The following ZFHX3 variants were observed in gnomAD, a reference collection of about 807,000 sequenced individuals.
The protein encoded by ZFHX3 is zinc finger homeobox 3.
A neutral mutation model predicts 279.1 loss-of-function variants in ZFHX3; 42 were observed. The observed-to-expected ratio is 0.15, with a 90% CI of 0.12 to 0.19. ZFHX3 has a LOEUF of 0.19. Ranked by LOEUF, ZFHX3 falls within the 10% of genes least tolerant of loss-of-function variation. ZFHX3 has a pLI of 1.00. For missense variants in ZFHX3, 4,981 were observed against 4,754.0 expected (o/e 1.05, Z -1.40); for synonymous variants, 2,293 against 1,957.8 (o/e 1.17, Z -4.52).
At chr16:73,769,747 C>G (rs2053996749) in intron 1 of ZFHX3, among the ~76,000 whole-genome samples, 1 of 152,118 alleles carries the variant, frequency 6.6e-6, no homozygotes, top group African/African-American at 2.4e-5. Context: ...TATCAACAAC[C>G]CAGTTATCCT....
chr16:73,752,527 C>G (rs1017607962), intron 1 of ZFHX3, among the ~76,000 whole-genome samples: 5 of 152,118 alleles, frequency 3.3e-5, no homozygotes, highest in African/African-American at 1.2e-4. Flanking sequence ...TCTCAGATGG[C>G]CTCTCTCTTC....
chr16:73,149,590 A>G (rs1966891761), intron 5 of ZFHX3, among the ~76,000 whole-genome samples: 2 of 152,050 alleles, frequency 1.3e-5, no homozygotes, highest in South Asian at 2.1e-4. Flanking sequence ...GTTGGTGTTT[A>G]TTGCTCTACA....
At chr16:73,873,265 TGGTGGTGGTGGGTGGTG>T (rs1429776234) in intron 1 of ZFHX3, among the ~76,000 whole-genome samples, 3 of 11,006 alleles carry the variant, frequency 2.7e-4, no homozygotes, top group African/African-American at 3.4e-4. Flanking sequence ...CGGTGGATGG[TGGTGGTGGTGGGTGGTG>T]GGTGGTGGTG....
intron 1 of ZFHX3, among the ~76,000 whole-genome samples, chr16:73,788,573 C>G (rs1959729664): frequency 6.6e-6 from 1 of 152,138 alleles, no homozygotes; most frequent in South Asian, 2.1e-4. Flanking sequence ...TCTGGGAGAG[C>G]AGAGGTTATG....
At chr16:73,192,938 C>G (rs1184316425) in intron 5 of ZFHX3, among the ~76,000 whole-genome samples, 1 of 152,152 alleles carries the variant, frequency 6.6e-6, no homozygotes, top group Non-Finnish European at 1.5e-5. Flanking sequence ...AACTATGCTG[C>G]TAAGCCTCAG....
intron 5 of ZFHX3, among the ~76,000 whole-genome samples, chr16:73,218,192 C>A (rs1221120823): frequency 6.6e-6 from 1 of 152,118 alleles, no homozygotes; most frequent in East Asian, 1.9e-4. Context: ...AGAGACAGCA[C>A]ATCAGAAAAA....
At chr16:72,981,767 C>T (rs1003233126) in intron 1 of ZFHX3, among the ~76,000 whole-genome samples, 7 of 152,134 alleles carry the variant, frequency 4.6e-5, no homozygotes, top group Non-Finnish European at 7.4e-5. Flanking sequence ...CAATGGACTT[C>T]TTCACGGGGA....
chr16:72,803,410 CAT>C (rs1191754424), intron 7 of ZFHX3, among the ~76,000 whole-genome samples: 2 of 152,246 alleles, frequency 1.3e-5, no homozygotes, highest in East Asian at 1.9e-4. Flanking sequence ...AACACTGAAA[CAT>C]GTAGGTTTAT....
At chr16:73,467,414 A>C (rs1465613770) in intron 2 of ZFHX3, among the ~76,000 whole-genome samples, 1 of 152,204 alleles carries the variant, frequency 6.6e-6, no homozygotes, top group Non-Finnish European at 1.5e-5. Context: ...CCTTACTTGC[A>C]GGGAAATGGG....
At position 73,428,900 on chromosome 16, in the gene ZFHX3, T is replaced by C. The variant is rs150337839; in HGVS notation, c.-1291+27103A>G. 2.0e-3 allele frequency among the ~76,000 whole-genome samples: 298 copies of C among 152,260 alleles called. 1 individual carries two copies. The highest frequency in any genetic ancestry group is 6.9e-3 in the African/African-American group (288 of 41,544). On this transcript the variant is annotated intron_variant, in intron 3 of 17. Transcript: ENST00000641206. ...TTCCCGTCAGCCTCACCATGTTAAATATCCAGTGAATACTGCAGGGGCCTC... is the reference window on the plus strand; with the variant it reads ...TTCCCGTCAGCCTCACCATGTTAAACATCCAGTGAATACTGCAGGGGCCTC...
At chr16:73,579,559 T>C (rs2051835593) in intron 2 of ZFHX3, among the ~76,000 whole-genome samples, 1 of 150,956 alleles carries the variant, frequency 6.6e-6, no homozygotes, top group Non-Finnish European at 1.5e-5. Flanking sequence ...TGGAGTGCAG[T>C]GGCGTGATCT....
intron 7 of ZFHX3, among the ~76,000 whole-genome samples, chr16:73,105,708 G>C (rs1000710950): frequency 6.6e-6 from 1 of 152,050 alleles, no homozygotes; most frequent in Non-Finnish European, 1.5e-5. Context: ...GGCTGAGATC[G>C]TGCCACTGCA....
chr16:73,018,279 T>A (rs62053236), intron 1 of ZFHX3, among the ~76,000 whole-genome samples: 1 of 151,886 alleles, frequency 6.6e-6, no homozygotes, highest in Non-Finnish European at 1.5e-5. Context: ...GGCGTGAGCA[T>A]ACACGCCTGG....
chr16:73,140,962 C>T (rs958765317), intron 6 of ZFHX3, among the ~76,000 whole-genome samples: 4 of 152,200 alleles, frequency 2.6e-5, no homozygotes, highest in African/African-American at 9.7e-5. Flanking sequence ...TAAGAAGCCC[C>T]TCTCTTTGAC....
intron 4 of ZFHX3, among the ~76,000 whole-genome samples, chr16:73,263,309 T>A (rs886305631): frequency 6.6e-6 from 1 of 152,008 alleles, no homozygotes; most frequent in Non-Finnish European, 1.5e-5. Context: ...GCCTCCTGAG[T>A]AGCTAGGACT....
chr16:73,781,298 C>G (rs1959462910), intron 1 of ZFHX3, among the ~76,000 whole-genome samples: 1 of 152,190 alleles, frequency 6.6e-6, no homozygotes, highest in Non-Finnish European at 1.5e-5. Flanking sequence ...AGGCTCTACC[C>G]CCAAAGATTG....
At chr16:73,270,069 G>T (rs1223418896) in intron 4 of ZFHX3, among the ~76,000 whole-genome samples, 2 of 152,020 alleles carry the variant, frequency 1.3e-5, no homozygotes, top group Non-Finnish European at 2.9e-5. Flanking sequence ...TTTTCAACTT[G>T]CATTGCTATC....
chr16:73,446,342 C>T (rs2018185034), intron 3 of ZFHX3, among the ~76,000 whole-genome samples: 1 of 152,148 alleles, frequency 6.6e-6, no homozygotes, highest in African/African-American at 2.4e-5. Flanking sequence ...AGGAAACTTA[C>T]AATCATGGTG....
intron 2 of ZFHX3, among the ~76,000 whole-genome samples, chr16:73,482,140 C>T (rs113773172): frequency 1.4e-4 from 21 of 152,222 alleles, no homozygotes; most frequent in African/African-American, 4.1e-4. Context: ...AAGGGAAGGG[C>T]AGAGGGAAGG....
Sources: allele counts gnomAD v4.1 joint callset (sites outside exome capture counted in the v4.1 genomes callset), GRCh38; gene constraint gnomAD v4.1.1; transcripts MANE v1.5; gene names NCBI Gene and HGNC (gene_info 2026-07-23, HGNC 2026-07-21).